ENTREP2: variants seen among roughly 807,000 people sequenced by gnomAD.
ENTREP2 encodes the protein protein ENTREP2.
At chr15:29,656,288 C>T in the ENTREP2 span, among the ~76,000 whole-genome samples, 11 of 151,550 alleles carry the variant, frequency 7.3e-5, no homozygotes, top group East Asian at 2.0e-4. Flanking sequence ...TGCAGTAGCA[C>T]GATTTCAGCT....
At chr15:29,652,891 G>A in the ENTREP2 span, among the ~76,000 whole-genome samples, 2 of 152,202 alleles carry the variant, frequency 1.3e-5, no homozygotes, top group Admixed American at 1.3e-4. Flanking sequence ...CAGGCTGAGT[G>A]GGAGGAATAA....
chr15:29,170,957 T>C, the ENTREP2 span, among the ~76,000 whole-genome samples: 1 of 152,188 alleles, frequency 6.6e-6, no homozygotes, highest in Non-Finnish European at 1.5e-5. Flanking sequence ...TCCTAGAGCA[T>C]GGGGCCAGCA....
the ENTREP2 span, among the ~76,000 whole-genome samples, chr15:29,386,879 C>A: frequency 6.6e-6 from 1 of 152,224 alleles, no homozygotes; most frequent in Non-Finnish European, 1.5e-5. Context: ...AGTTGCTTAT[C>A]AGCTTAAGGA....
chr15:29,384,565 A>C, the ENTREP2 span, among the ~76,000 whole-genome samples: 1 of 152,048 alleles, frequency 6.6e-6, no homozygotes, highest in Non-Finnish European at 1.5e-5. Flanking sequence ...CCAGCACTGG[A>C]GGCACCTCCC....
chr15:29,364,535 G>A, the ENTREP2 span, among the ~76,000 whole-genome samples: 5 of 152,156 alleles, frequency 3.3e-5, no homozygotes, highest in Non-Finnish European at 7.3e-5. Context: ...CAGCTCTCTT[G>A]CGGTAAAACG....
the ENTREP2 span, among the ~76,000 whole-genome samples, chr15:29,129,074 C>CT: frequency 1.3e-5 from 2 of 151,938 alleles, no homozygotes; most frequent in Non-Finnish European, 2.9e-5. Flanking sequence ...TTTCTTTTTT[C>CT]TTTTTTTGAG....
chr15:29,537,694 G>A, the ENTREP2 span, among the ~76,000 whole-genome samples: 1 of 152,100 alleles, frequency 6.6e-6, no homozygotes, highest in Non-Finnish European at 1.5e-5. Flanking sequence ...AATAAGTTAG[G>A]TCAGGTCACT....
At chr15:29,372,884 A>T in the ENTREP2 span, among the ~76,000 whole-genome samples, 1 of 152,312 alleles carries the variant, frequency 6.6e-6, no homozygotes, top group Admixed American at 6.5e-5. Flanking sequence ...CGTTCAAAAA[A>T]AATAATATTG....
the ENTREP2 span, among the ~76,000 whole-genome samples, chr15:29,224,010 TTGG>T: frequency 6.6e-6 from 1 of 152,196 alleles, no homozygotes; most frequent in Non-Finnish European, 1.5e-5. Context: ...TGATGGGTTC[TTGG>T]TCGCACTGAC....
At chr15:29,260,616 G>T in the ENTREP2 span, among the ~76,000 whole-genome samples, 3 of 152,132 alleles carry the variant, frequency 2.0e-5, no homozygotes, top group Non-Finnish European at 4.4e-5. Context: ...AATATTTACA[G>T]GTAAAATCAT....
At chr15:29,193,866 A>T in the ENTREP2 span, among the ~76,000 whole-genome samples, 3 of 152,242 alleles carry the variant, frequency 2.0e-5, no homozygotes, top group Non-Finnish European at 4.4e-5. Flanking sequence ...CCATTAAAAA[A>T]TACCATTAGG....
At chr15:29,232,261 TA>T in the ENTREP2 span, among the ~76,000 whole-genome samples, 8 of 152,188 alleles carry the variant, frequency 5.3e-5, no homozygotes, top group African/African-American at 1.2e-4. Context: ...AGTTTCTGAA[TA>T]TTTCTCTAAG....
the ENTREP2 span, chr15:29,234,586 A>G: frequency 6.7e-7 from 1 of 1,487,238 alleles, no homozygotes; most frequent in Non-Finnish European, 9.4e-7. Flanking sequence ...TTAAAATATC[A>G]TCTTCACAAT....
chr15:29,551,920 T>C, the ENTREP2 span, among the ~76,000 whole-genome samples: 16 of 152,104 alleles, frequency 1.1e-4, no homozygotes, highest in African/African-American at 3.9e-4. Flanking sequence ...TAAGTAGCAT[T>C]TTCCCCAAAA....
At chr15:29,435,978 C>T in the ENTREP2 span, among the ~76,000 whole-genome samples, 1 of 152,098 alleles carries the variant, frequency 6.6e-6, no homozygotes, top group African/African-American at 2.4e-5. Flanking sequence ...ACTGATGAGT[C>T]AACCGATGTA....
At chr15:29,421,522 T>G in the ENTREP2 span, among the ~76,000 whole-genome samples, 1 of 152,212 alleles carries the variant, frequency 6.6e-6, no homozygotes, top group Non-Finnish European at 1.5e-5. Context: ...TCTGCACAAG[T>G]TAGAGCAGGG....
the ENTREP2 span, among the ~76,000 whole-genome samples, chr15:29,273,541 G>A: frequency 2.5e-4 from 38 of 152,138 alleles, no homozygotes; most frequent in Non-Finnish European, 4.9e-4. Context: ...TTAATGTGGA[G>A]TGTCAACTTG....
the ENTREP2 span, among the ~76,000 whole-genome samples, chr15:29,320,948 G>A: frequency 6.6e-6 from 1 of 152,064 alleles, no homozygotes; most frequent in Middle Eastern, 3.2e-3. Flanking sequence ...AAGGCAAAAA[G>A]AGAATGGAAT....
chr15:29,647,192 G>A, the ENTREP2 span, among the ~76,000 whole-genome samples: 1 of 152,312 alleles, frequency 6.6e-6, no homozygotes, highest in Non-Finnish European at 1.5e-5. Context: ...ATGAGCAAAA[G>A]CTCTGTTAAT....
Sources: allele counts gnomAD v4.1 joint callset (sites outside exome capture counted in the v4.1 genomes callset), GRCh38; gene constraint gnomAD v4.1.1; transcripts MANE v1.5; gene names NCBI Gene and HGNC (gene_info 2026-07-23, HGNC 2026-07-21).